PRKD1: variants seen among roughly 807,000 people sequenced by gnomAD.
PRKD1 encodes the protein serine/threonine-protein kinase D1.
Under a neutral mutation model 95.9 loss-of-function variants are expected in PRKD1, and 63 were observed. That is an observed-to-expected ratio of 0.66 (90% CI 0.54 to 0.81). PRKD1 has a LOEUF of 0.81. PRKD1 is among the 30% of genes least tolerant of loss of function. PRKD1 has a pLI of 0.00. For missense variants in PRKD1, 1,048 were observed against 1,165.3 expected (o/e 0.90, Z 1.47); for synonymous variants, 425 against 423.1 (o/e 1.00, Z -0.05).
At chr14:29,621,536 TAA>T (rs1879268501) in intron 13 of PRKD1, among the ~76,000 whole-genome samples, 1 of 152,090 alleles carries the variant, frequency 6.6e-6, no homozygotes, top group Non-Finnish European at 1.5e-5. Flanking sequence ...GGCAGTTTTA[TAA>T]TAAAGTATGA....
At chr14:29,894,978 G>A (rs986417041) in intron 1 of PRKD1, among the ~76,000 whole-genome samples, 2 of 152,114 alleles carry the variant, frequency 1.3e-5, no homozygotes, top group African/African-American at 4.8e-5. Flanking sequence ...TAAATTCCAA[G>A]CCCCAAAGAA....
At chr14:29,888,124 G>A (rs1010561379) in intron 1 of PRKD1, among the ~76,000 whole-genome samples, 2 of 152,126 alleles carry the variant, frequency 1.3e-5, no homozygotes, top group African/African-American at 4.8e-5. Flanking sequence ...AACATAGGGA[G>A]AGCCCATCCC....
chr14:29,605,051 G>T (rs891078430), intron 13 of PRKD1, among the ~76,000 whole-genome samples: 1 of 151,980 alleles, frequency 6.6e-6, no homozygotes, highest in African/African-American at 2.4e-5. Context: ...AAAAGTAATA[G>T]AGCCCACCTC....
At chr14:29,609,231 T>A (rs886565989) in intron 13 of PRKD1, among the ~76,000 whole-genome samples, 4 of 152,286 alleles carry the variant, frequency 2.6e-5, no homozygotes, top group Non-Finnish European at 4.4e-5. Flanking sequence ...AGTTCAAAAT[T>A]TTGTAGAAAC....
At chr14:29,799,887 C>G (rs1489665532) in intron 1 of PRKD1, among the ~76,000 whole-genome samples, 1 of 152,138 alleles carries the variant, frequency 6.6e-6, no homozygotes, top group Admixed American at 6.5e-5. Context: ...CAACAGTGTT[C>G]TTTTCATGGT....
intron 4 of PRKD1, chr14:29,657,942 T>C (rs1311105855): frequency 1.3e-5 from 2 of 152,068 alleles, no homozygotes; most frequent in African/African-American, 4.8e-5. Flanking sequence ...ATAAAGCATG[T>C]GCAGAGCTCA....
At chr14:29,659,019 A>G in intron 4 of PRKD1, among the ~76,000 whole-genome samples, 1 of 152,210 alleles carries the variant, frequency 6.6e-6, no homozygotes, top group East Asian at 1.9e-4. Context: ...TTACTGAGGT[A>G]CAATTCATAT....
intron 1 of PRKD1, among the ~76,000 whole-genome samples, chr14:29,821,763 A>T (rs760921575): frequency 2.0e-5 from 3 of 152,152 alleles, no homozygotes; most frequent in Non-Finnish European, 4.4e-5. Context: ...AATAATACAA[A>T]TGTTCTGATT....
At chr14:29,924,083 C>T (rs1254466993) in intron 1 of PRKD1, among the ~76,000 whole-genome samples, 1 of 152,072 alleles carries the variant, frequency 6.6e-6, no homozygotes, top group African/African-American at 2.4e-5. Context: ...AACCAGGCTT[C>T]AACGTCACAC....
intron 1 of PRKD1, among the ~76,000 whole-genome samples, chr14:29,790,279 A>G (rs1277241748): frequency 2.0e-5 from 3 of 151,736 alleles, no homozygotes; most frequent in East Asian, 3.9e-4. Flanking sequence ...CAAAGTGTTT[A>G]TAAGTGTTTA....
At chr14:29,795,396 C>T (rs1412956422) in intron 1 of PRKD1, among the ~76,000 whole-genome samples, 1 of 152,000 alleles carries the variant, frequency 6.6e-6, no homozygotes, top group Non-Finnish European at 1.5e-5. Context: ...CCTCTGTATT[C>T]TTACCTCAAT....
In PRKD1 at chr14:29,638,861, G is replaced by T; in HGVS notation, c.740C>A (p.Ser247Ter). 1 of 1,535,096 alleles carries T rather than the reference G, an allele frequency of 6.5e-7. No individual in the cohort carries two copies. Among genetic ancestry groups the T allele is most frequent in the South Asian group, 1.1e-5 (1 of 89,906 alleles). The change falls in exon 5 of 18, where the codon TCA becomes TAA. Residue 247 changes from serine to a stop codon, truncating the protein, a stop_gained. Transcript: ENST00000331968. LOFTEE classifies it high-confidence loss of function. ...SESFIGREKRSNSQSYIGRPI... is the reference protein window; with the variant it reads ...SESFIGREKR ...TCGTCCAATGTATGATTGAGAATTT[G>T]ACCTCTTCTCTCGACCAATAAACGA...
intron 1 of PRKD1, among the ~76,000 whole-genome samples, chr14:29,915,871 T>C (rs1215088270): frequency 6.6e-6 from 1 of 152,230 alleles, no homozygotes; most frequent in African/African-American, 2.4e-5. Context: ...GTCTGCTTTT[T>C]ACGTAGTAGC....
chr14:29,835,143 G>A (rs1174925827), intron 1 of PRKD1, among the ~76,000 whole-genome samples: 1 of 146,880 alleles, frequency 6.8e-6, no homozygotes, highest in African/African-American at 2.7e-5. Context: ...CTCATGCTGT[G>A]AATGCTGTTC....
At chr14:29,633,634 A>C (rs1880173887) in intron 8 of PRKD1, among the ~76,000 whole-genome samples, 1 of 152,172 alleles carries the variant, frequency 6.6e-6, no homozygotes, top group African/African-American at 2.4e-5. Context: ...AAGACCCCAA[A>C]GCTCTATGAT....
intron 1 of PRKD1, among the ~76,000 whole-genome samples, chr14:29,870,357 T>C (rs761112569): frequency 2.6e-5 from 4 of 152,174 alleles, no homozygotes; most frequent in Non-Finnish European, 4.4e-5. Flanking sequence ...CGTCTCAATG[T>C]ACCCACCAAA....
chr14:29,872,563 G>A (rs766643414), intron 1 of PRKD1, among the ~76,000 whole-genome samples: 2 of 151,658 alleles, frequency 1.3e-5, no homozygotes, highest in African/African-American at 4.8e-5. Context: ...GAGACAGACA[G>A]GAGAAGTGCT....
chr14:29,693,407 T>A (rs1394074027), intron 2 of PRKD1, among the ~76,000 whole-genome samples: 1 of 151,900 alleles, frequency 6.6e-6, no homozygotes, highest in Admixed American at 6.6e-5. Flanking sequence ...AAAATGTAAA[T>A]TTCCACATTA....
At chr14:29,824,315 T>C (rs1384231019) in intron 1 of PRKD1, among the ~76,000 whole-genome samples, 6 of 152,198 alleles carry the variant, frequency 3.9e-5, no homozygotes, top group African/African-American at 1.2e-4. Flanking sequence ...CAAGTATTCA[T>C]CACTTTCCAT....
Sources: allele counts gnomAD v4.1 joint callset (sites outside exome capture counted in the v4.1 genomes callset), GRCh38; gene constraint gnomAD v4.1.1; transcripts MANE v1.5; gene names NCBI Gene and HGNC (gene_info 2026-07-23, HGNC 2026-07-21).